The following DPYD variants were observed in gnomAD, a reference collection of about 807,000 sequenced individuals.
DPYD encodes the protein dihydropyrimidine dehydrogenase [NADP(+)].
DPYD carries 109 observed loss-of-function variants against 116.2 expected under a neutral mutation model. The observed-to-expected ratio is 0.94, with a 90% CI of 0.80 to 1.10. The LOEUF is 1.10. Among genes scored for constraint, DPYD ranks in the 50% least tolerant of loss-of-function variants. DPYD has a pLI of 0.00. For missense variants in DPYD, 1,302 were observed against 1,254.5 expected (o/e 1.04, Z -0.57); for synonymous variants, 440 against 432.0 (o/e 1.02, Z -0.23).
chr1:97,888,936 T>G (rs983022961), intron 1 of DPYD, among the ~76,000 whole-genome samples: 2 of 152,016 alleles, frequency 1.3e-5, no homozygotes, highest in Admixed American at 1.3e-4. Context: ...GGCAGGTGGA[T>G]CACCAAGGTC....
intron 8 of DPYD, among the ~76,000 whole-genome samples, chr1:97,668,184 A>T (rs954473322): frequency 6.6e-6 from 1 of 152,262 alleles, no homozygotes; most frequent in South Asian, 2.1e-4. Flanking sequence ...CACAATTTTT[A>T]AAAAAGAATT....
At chr1:97,714,116 C>T (rs1662458745) in intron 5 of DPYD, among the ~76,000 whole-genome samples, 1 of 152,002 alleles carries the variant, frequency 6.6e-6, no homozygotes, top group Non-Finnish European at 1.5e-5. Context: ...TATTTGTATA[C>T]CAGCTTTCAC....
chr1:97,546,307 C>G, intron 12 of DPYD: 1 of 1,424,298 alleles, frequency 7.0e-7, no homozygotes, highest in African/African-American at 1.4e-5. Flanking sequence ...GCTATTACCA[C>G]AGTCAAAGCA....
intron 16 of DPYD, among the ~76,000 whole-genome samples, chr1:97,314,570 C>T (rs1287229706): frequency 2.0e-5 from 3 of 148,528 alleles, no homozygotes; most frequent in African/African-American, 7.5e-5. Flanking sequence ...TGACTGCCAG[C>T]GTTCTTTCAG....
intron 19 of DPYD, among the ~76,000 whole-genome samples, chr1:97,214,520 G>A (rs539711967): frequency 1.3e-5 from 2 of 152,302 alleles, no homozygotes; most frequent in South Asian, 4.1e-4. Flanking sequence ...CACAAGTGTA[G>A]AAGAGAGTAA....
Position 97,234,883 on chromosome 1 carries a change from T to G in DPYD, c.2411A>C (p.Gln804Pro), listed in dbSNP as rs761609256. 10 of 1,613,916 alleles carry G rather than the reference T, an allele frequency of 6.2e-6. No homozygotes were observed. The South Asian group carries it at 8.8e-5, about 14-fold the overall frequency. Residue 804 changes from glutamine (Q) to proline (P), a missense_variant, in exon 19 of 23, where the codon CAG becomes CCG. By Grantham distance (76) the Gln-to-Pro change is moderately conservative. Coordinates refer to ENST00000370192, the MANE Select transcript of DPYD (RefSeq NM_000110.4). ...GGIDSAESGL[Q>P]FLHSGASVLQ... ...GACGGAAGCACCACTATGGAGAAAC[T>G]GAAGACCACTTTCAGCAGAGTCAAT...
chr1:97,483,492 G>A (rs1024694319), intron 13 of DPYD, among the ~76,000 whole-genome samples: 1 of 152,046 alleles, frequency 6.6e-6, no homozygotes, highest in Admixed American at 6.6e-5. Flanking sequence ...ACACTGACTC[G>A]GTCCTGTTGG....
chr1:97,711,344 T>C (rs964660230), intron 5 of DPYD, among the ~76,000 whole-genome samples: 7 of 151,864 alleles, frequency 4.6e-5, no homozygotes, highest in African/African-American at 9.7e-5. Flanking sequence ...AGCCCACAGA[T>C]AGGCAAAATA....
At chr1:97,416,413 G>A (rs1246071276) in intron 14 of DPYD, among the ~76,000 whole-genome samples, 1 of 152,164 alleles carries the variant, frequency 6.6e-6, no homozygotes, top group East Asian at 1.9e-4. Flanking sequence ...ATCAATGACT[G>A]AGAAAATGTT....
At chr1:97,869,851 TC>T (rs147874170) in intron 2 of DPYD, among the ~76,000 whole-genome samples, 2,952 of 151,934 alleles carry the variant, frequency 0.019, 102 homozygotes, top group African/African-American at 0.068. Context: ...CTTTCTGTCT[TC>T]ATTTCTTTCA....
chr1:97,725,959 G>A (rs566304113), intron 4 of DPYD, among the ~76,000 whole-genome samples: 1 of 151,430 alleles, frequency 6.6e-6, no homozygotes, highest in East Asian at 1.9e-4. Context: ...TCACTTACAT[G>A]AACAAATACA....
intron 18 of DPYD, among the ~76,000 whole-genome samples, chr1:97,289,618 C>T (rs950504641): frequency 4.6e-5 from 7 of 152,014 alleles, no homozygotes; most frequent in Non-Finnish European, 8.8e-5. Context: ...GCAGAAAAGG[C>T]CTTTGACAAA....
chr1:97,230,289 AATACTATTC>A (rs747415804), intron 19 of DPYD, among the ~76,000 whole-genome samples: 7 of 152,226 alleles, frequency 4.6e-5, no homozygotes, highest in Non-Finnish European at 7.3e-5. Context: ...TACACCATGG[AATACTATTC>A]AGCCATAAAA....
intron 9 of DPYD, 111 bp downstream of exon 9, chr1:97,594,948 A>C: frequency 1.5e-5 from 11 of 746,106 alleles, no homozygotes; most frequent in East Asian, 3.2e-5. Flanking sequence ...GGTCTTAGGC[A>C]AGGTTGGGTG....
At chr1:97,198,935 T>G (rs187755657) in intron 19 of DPYD, among the ~76,000 whole-genome samples, 49 of 152,210 alleles carry the variant, frequency 3.2e-4, no homozygotes, top group African/African-American at 1.1e-3. Context: ...TTTGACGTGT[T>G]CCATAAAGCA....
At chr1:97,447,175 A>G (rs1379496645) in intron 14 of DPYD, among the ~76,000 whole-genome samples, 1 of 152,232 alleles carries the variant, frequency 6.6e-6, no homozygotes, top group Non-Finnish European at 1.5e-5. Flanking sequence ...GTCCACACCC[A>G]GCACAATTCT....
At chr1:97,281,383 A>C (rs2100934974) in intron 18 of DPYD, among the ~76,000 whole-genome samples, 1 of 152,024 alleles carries the variant, frequency 6.6e-6, no homozygotes, top group African/African-American at 2.4e-5. Context: ...CAAAAGGATA[A>C]AACAATTTGA....
chr1:97,123,853 C>T (rs1652631636), intron 20 of DPYD, among the ~76,000 whole-genome samples: 1 of 151,996 alleles, frequency 6.6e-6, no homozygotes, highest in African/African-American at 2.4e-5. Context: ...TCGGCAGACA[C>T]CTTTATTGAG....
intron 8 of DPYD, among the ~76,000 whole-genome samples, chr1:97,624,971 G>A (rs1191172710): frequency 2.0e-5 from 3 of 151,958 alleles, no homozygotes; most frequent in African/African-American, 7.2e-5. Context: ...GGGGAATGGG[G>A]TGATGATGGT....
Sources: gnomAD v4.1 joint callset for allele counts (sites outside exome capture counted in the v4.1 genomes callset) on GRCh38, gnomAD v4.1.1 for gene constraint, MANE v1.5 for transcripts, NCBI Gene and HGNC (gene_info 2026-07-23, HGNC 2026-07-21) for gene names.